Variants in XKR9 observed in about 807,000 individuals in gnomAD.
XKR9 encodes XK related 9, also known as XK-related protein 9.
Under a neutral mutation model 32.0 loss-of-function variants are expected in XKR9, and 32 were observed. That is an observed-to-expected ratio of 1.00 (90% CI 0.76 to 1.34). XKR9 has a LOEUF of 1.34. Ranked by LOEUF, XKR9 falls within the 40% of genes most tolerant of loss-of-function variation. The pLI, the probability that XKR9 is intolerant of heterozygous loss-of-function variation, is 0.00. For missense variants in XKR9, 546 were observed against 429.7 expected (o/e 1.27, Z -2.39); for synonymous variants, 168 against 143.4 (o/e 1.17, Z -1.22).
At chr8:70,951,836 G>A in the XKR9 span, among the ~76,000 whole-genome samples, 2 of 151,880 alleles carry the variant, frequency 1.3e-5, no homozygotes, top group East Asian at 1.9e-4. Context: ...GCCTGGCCCC[G>A]GCTCCACTAC....
the XKR9 span, among the ~76,000 whole-genome samples, chr8:70,983,289 C>T: frequency 1.3e-5 from 2 of 152,174 alleles, no homozygotes; most frequent in South Asian, 2.1e-4. Flanking sequence ...GCCATGTCAT[C>T]TGGGGGACCT....
the XKR9 span, among the ~76,000 whole-genome samples, chr8:71,029,038 T>A: frequency 0.068 from 10,335 of 152,250 alleles, 475 homozygotes; most frequent in Non-Finnish European, 0.094. Context: ...TCTGTCGTAA[T>A]CCCTCCAGGT....
the XKR9 span, among the ~76,000 whole-genome samples, chr8:71,007,873 G>T: frequency 1.3e-5 from 2 of 151,752 alleles, no homozygotes; most frequent in African/African-American, 4.8e-5. Flanking sequence ...TTTTTCATGT[G>T]CCCCTGAAAA....
the XKR9 span, among the ~76,000 whole-genome samples, chr8:70,931,372 T>C: frequency 1.3e-5 from 2 of 152,168 alleles, no homozygotes; most frequent in Non-Finnish European, 2.9e-5. Flanking sequence ...CAGGTCTGTA[T>C]GACCAGCCAG....
chr8:70,717,227 C>T (rs543287117), intron 4 of XKR9, among the ~76,000 whole-genome samples: 4 of 152,084 alleles, frequency 2.6e-5, no homozygotes, highest in African/African-American at 9.7e-5. Flanking sequence ...ATTCTGAGGT[C>T]TGGAGGATGG....
rs78311297 is a variant in XKR9, at chr8:70,725,559, T to C, written c.494-8237T>C. The stretch of plus-strand genomic sequence containing the variant: ...GAGCAAGGTACTGCCATTTTTCTTA[T>C]ATACTCTGTAGAACTTTTTGACTTT... On this transcript the variant is annotated intron_variant, in intron 4 of 4. Coordinates refer to ENST00000408926, the MANE Select transcript of XKR9 (RefSeq NM_001011720.2). 2.1e-3 allele frequency among the ~76,000 whole-genome samples: 314 copies of C among 152,250 alleles called. 2 individuals carry two copies. The highest frequency in any genetic ancestry group is 7.0e-3 in the African/African-American group (291 of 41,566).
At chr8:70,971,879 G>A in the XKR9 span, among the ~76,000 whole-genome samples, 1 of 152,114 alleles carries the variant, frequency 6.6e-6, no homozygotes, top group South Asian at 2.1e-4. Flanking sequence ...AGTATAGTTT[G>A]AAGTTGGGTA....
chr8:70,679,121 G>A (rs986303263), intron 2 of XKR9, among the ~76,000 whole-genome samples: 1 of 152,094 alleles, frequency 6.6e-6, no homozygotes, highest in East Asian at 1.9e-4. Flanking sequence ...TTTCTCTGGT[G>A]TTGCTTCCTC....
At chr8:70,884,004 A>C in the XKR9 span, among the ~76,000 whole-genome samples, 6 of 152,294 alleles carry the variant, frequency 3.9e-5, no homozygotes, top group East Asian at 9.6e-4. Flanking sequence ...TTCCCACCAG[A>C]AATGAATGAA....
At chr8:70,754,745 C>G (rs1167725283) in intron 2 of XKR9, among the ~76,000 whole-genome samples, 3 of 151,094 alleles carry the variant, frequency 2.0e-5, no homozygotes, top group African/African-American at 7.3e-5. Context: ...TTCCTTACAC[C>G]TTATACAAAA....
At chr8:70,749,508 A>G (rs1174680217) in intron 2 of XKR9, among the ~76,000 whole-genome samples, 2 of 152,126 alleles carry the variant, frequency 1.3e-5, no homozygotes, top group Non-Finnish European at 2.9e-5. Flanking sequence ...CATTTGGTCC[A>G]GCCACAGCCT....
intron 2 of XKR9, chr8:70,789,264 A>G (rs1807732226): frequency 6.6e-6 from 1 of 152,110 alleles, no homozygotes; most frequent in Non-Finnish European, 1.5e-5. Flanking sequence ...TTTAGAATTA[A>G]GGCCTAGGAG....
the XKR9 span, among the ~76,000 whole-genome samples, chr8:70,902,767 T>G: frequency 6.6e-6 from 1 of 152,236 alleles, no homozygotes; most frequent in African/African-American, 2.4e-5. Context: ...TGTGGGTTTG[T>G]CATAAATAGC....
chr8:70,894,831 T>G, the XKR9 span, among the ~76,000 whole-genome samples: 2 of 152,160 alleles, frequency 1.3e-5, no homozygotes, highest in East Asian at 3.9e-4. Flanking sequence ...TAATAGCTGT[T>G]TACAGCTCAG....
chr8:70,804,029 C>T, the XKR9 span, among the ~76,000 whole-genome samples: 898 of 152,354 alleles, frequency 5.9e-3, 12 homozygotes, highest in African/African-American at 0.021. Flanking sequence ...GCCATAGAAG[C>T]AGGTCTGCTC....
chr8:70,751,879 G>T (rs1468560672), intron 2 of XKR9, among the ~76,000 whole-genome samples: 2 of 152,140 alleles, frequency 1.3e-5, no homozygotes, highest in Admixed American at 6.5e-5. Flanking sequence ...TTTCCAGTTT[G>T]CAGACATAAT....
the XKR9 span, among the ~76,000 whole-genome samples, chr8:70,804,334 G>A: frequency 6.6e-6 from 1 of 152,212 alleles, no homozygotes. Context: ...GCTGGGTCAG[G>A]CAATTTTATA....
the XKR9 span, among the ~76,000 whole-genome samples, chr8:70,805,137 G>A: frequency 6.6e-6 from 1 of 152,194 alleles, no homozygotes; most frequent in South Asian, 2.1e-4. Context: ...GGAGAGGAAG[G>A]AAGGGCAGTG....
chr8:71,031,217 C>A, the XKR9 span, among the ~76,000 whole-genome samples: 1 of 152,124 alleles, frequency 6.6e-6, no homozygotes, highest in Non-Finnish European at 1.5e-5. Flanking sequence ...CACAATTTAT[C>A]TTTTGTGCAA....
Sources: gnomAD v4.1 joint callset for allele counts (sites outside exome capture counted in the v4.1 genomes callset) on GRCh38, gnomAD v4.1.1 for gene constraint, MANE v1.5 for transcripts, NCBI Gene and HGNC (gene_info 2026-07-23, HGNC 2026-07-21) for gene names.